Variants in MTDH observed in about 807,000 individuals in gnomAD.
MTDH encodes protein LYRIC.
In MTDH, 34 loss-of-function variants were observed where a neutral mutation model predicts 72.7. The ratio of observed to expected loss-of-function variants is 0.47; its 90% CI spans 0.36 to 0.62. The LOEUF is 0.62. Among genes scored for constraint, MTDH ranks in the 20% least tolerant of loss-of-function variants. MTDH has a pLI of 0.00. For synonymous variants in MTDH, 266 were observed against 268.9 expected (o/e 0.99, Z 0.10); for missense variants, 677 against 699.4 (o/e 0.97, Z 0.36).
rs1815426682 is a variant in MTDH at position 97,728,092 on chromosome 8, G to A, written c.*3422G>A. On this transcript the variant is annotated 3_prime_UTR_variant, in exon 12 of 12. Transcript: ENST00000336273. ...AAACAGTCCTCTATTAATATAGTGT[G>A]AAATATCTTTCAAAATTTAGAGTTT... 1.3e-5 allele frequency: 2 copies of A among 152,024 alleles called. No homozygotes were observed. Among genetic ancestry groups the A allele is most frequent in the Admixed American group, 6.6e-5 (1 of 15,246 alleles). 9.4% of individuals were successfully genotyped at this position (152,024 alleles called of 1,614,324 possible).
Position 97,697,151 on chromosome 8 carries a change from T to TA in MTDH, c.1049-2603_1049-2602insA, listed in dbSNP as rs1397728507. Among the ~76,000 whole-genome samples, 285 of 72,058 alleles carry TA rather than the reference T, an allele frequency of 4.0e-3. 16 individuals carry two copies. Among genetic ancestry groups the TA allele is most frequent in the African/African-American group, 0.011 (127 of 11,614 alleles). The allele number at this position is 72,058 out of a possible 152,430, so 47.3% of individuals were successfully genotyped here. A position where few individuals can be genotyped will look rare whatever the true frequency, so the allele number is the denominator to read the frequency against. ...AAAAATATATATATATATATATATA[T>TA]TTTTTTTTTGTGGACCCAGTTTACT... is the stretch of plus-strand genomic sequence containing the variant. On this transcript the variant is annotated intron_variant, in intron 6 of 11. Transcript: ENST00000336273.
At chr8:97,724,085 G>T (rs1249774012) in intron 11 of MTDH, among the ~76,000 whole-genome samples, 1 of 152,200 alleles carries the variant, frequency 6.6e-6, no homozygotes, top group African/African-American at 2.4e-5. Context: ...CTCCAGCCTG[G>T]GTGACAGAGC....
At chr8:97,710,534 CAA>C (rs34089678) in intron 8 of MTDH, among the ~76,000 whole-genome samples, 29 of 141,902 alleles carry the variant, frequency 2.0e-4, no homozygotes, top group Middle Eastern at 3.7e-3. Flanking sequence ...ACTAAAAATA[CAA>C]AAAAAAAAAA....
At chr8:97,651,497 T>C (rs183124157) in intron 1 of MTDH, among the ~76,000 whole-genome samples, 1 of 152,320 alleles carries the variant, frequency 6.6e-6, no homozygotes, top group Admixed American at 6.5e-5. Context: ...TTTACAGTGA[T>C]GAGAGCTGAA....
intron 1 of MTDH, among the ~76,000 whole-genome samples, chr8:97,649,855 C>A (rs1037228502): frequency 1.3e-5 from 2 of 152,210 alleles, no homozygotes; most frequent in East Asian, 3.8e-4. Context: ...CCACCTGCCT[C>A]AGCCTCCCAA....
At chr8:97,692,132 C>T (rs866261885) in intron 6 of MTDH, among the ~76,000 whole-genome samples, 3 of 152,196 alleles carry the variant, frequency 2.0e-5, no homozygotes, top group Admixed American at 1.3e-4. Context: ...CTGCCAGCCT[C>T]GGCCTCCCAA....
In MTDH at chr8:97,729,882, T is replaced by C. The variant is rs1247564824; in HGVS notation, c.*5212T>C. ...GCTGAGAGAAACTTAGTAGCCTGCC[T>C]GCGCATACTGCAAGTACAGACTATA... is the stretch of plus-strand genomic sequence containing the variant. On this transcript the variant is annotated 3_prime_UTR_variant, in exon 12 of 12. Transcript: ENST00000336273. Among the ~76,000 whole-genome samples, 1 of 152,204 alleles carries C rather than the reference T, an allele frequency of 6.6e-6. No individual in the cohort carries two copies. Among genetic ancestry groups the C allele is most frequent in the Admixed American group, 6.6e-5 (1 of 15,266 alleles).
chr8:97,675,453 C>G (rs1039914696), intron 2 of MTDH, among the ~76,000 whole-genome samples: 1 of 150,824 alleles, frequency 6.6e-6, no homozygotes. Flanking sequence ...CCCAGGTACT[C>G]GGGAGGCTGA....
In MTDH at chr8:97,682,084, T is replaced by C. The variant is rs562400261; in HGVS notation, c.484-4584T>C. Among the ~76,000 whole-genome samples the C allele has an allele frequency of 3.3e-5, 5 of 151,388 alleles. No individual in the cohort carries two copies. The South Asian group carries it at 1.0e-3, about 31-fold the overall frequency. ...ACCAGCTTCCTTCAAAAGTCTTAGC[T>C]AAAGTGGAGCTGCTAAGAAGTAAGA... is the stretch of plus-strand genomic sequence containing the variant. On this transcript the variant is annotated intron_variant, in intron 2 of 11. Transcript: ENST00000336273.
chr8:97,691,748 A>C (rs1403705896), intron 6 of MTDH, among the ~76,000 whole-genome samples: 3 of 152,216 alleles, frequency 2.0e-5, no homozygotes, highest in East Asian at 3.9e-4. Context: ...TCCACATTAC[A>C]TGTGGGCAAT....
chr8:97,663,748 CAAAAAAAAAAA>C (rs36101443), intron 2 of MTDH, among the ~76,000 whole-genome samples: 1 of 85,980 alleles, frequency 1.2e-5, no homozygotes, highest in Non-Finnish European at 2.5e-5. Context: ...GACTCTGTCT[CAAAAAAAAAAA>C]AAAAAAAAAG....
At chr8:97,706,507 T>C in intron 7 of MTDH, 119 bp from the exon 8 acceptor site, 1 of 935,218 alleles carries the variant, frequency 1.1e-6, no homozygotes, top group Non-Finnish European at 1.5e-6. Flanking sequence ...TAAAATGTGC[T>C]TGGGAGACAG....
At chr8:97,694,691 G>A (rs1439074028) in intron 6 of MTDH, among the ~76,000 whole-genome samples, 1 of 152,042 alleles carries the variant, frequency 6.6e-6, no homozygotes. Flanking sequence ...CAGGGCTGAG[G>A]CTGGCAGATC....
Position 97,645,745 on chromosome 8 carries a change from T to C in MTDH, c.381+858T>C, listed in dbSNP as rs528894724. Among the ~76,000 whole-genome samples the C allele has an allele frequency of 8.5e-5, 13 of 152,376 alleles. No individual in the cohort carries two copies. In the South Asian group the frequency reaches 2.5e-3, roughly 29 times the overall value. ...CTTCATGTTTTACGTTTACATTCTTTATTGCCATTCCCATGGTTCTCCCAT... is the reference window on the plus strand; with the variant it reads ...CTTCATGTTTTACGTTTACATTCTTCATTGCCATTCCCATGGTTCTCCCAT... On this transcript the variant is annotated intron_variant, in intron 1 of 11. Coordinates refer to ENST00000336273, the MANE Select transcript of MTDH (RefSeq NM_178812.4).
rs36070456 is a variant in MTDH, at chr8:97,729,087, ATTT to A, written c.*4433_*4435del. ...GGTACACACCACCATGCCTGGCTAA[ATTT>A]TTTTTTTTTTTTTTTGGTAGAGATG... On this transcript the variant is annotated 3_prime_UTR_variant, in exon 12 of 12. Coordinates refer to ENST00000336273, the MANE Select transcript of MTDH (RefSeq NM_178812.4). 4.1e-4 allele frequency among the ~76,000 whole-genome samples: 57 copies of A among 138,012 alleles called. No individual in the cohort carries two copies. Among genetic ancestry groups the A allele is most frequent in the Middle Eastern group, 7.4e-3 (2 of 272 alleles). 90.5% of individuals were successfully genotyped at this position (138,012 alleles called of 152,430 possible). A position where few individuals can be genotyped will look rare whatever the true frequency, so the allele number is the denominator to read the frequency against.
intron 2 of MTDH, among the ~76,000 whole-genome samples, chr8:97,668,054 G>A (rs950820334): frequency 4.6e-5 from 7 of 152,082 alleles, no homozygotes; most frequent in African/African-American, 9.7e-5. Context: ...TTGGGAGGCC[G>A]AGATCAGTGG....
intron 1 of MTDH, among the ~76,000 whole-genome samples, chr8:97,649,690 A>G (rs906113902): frequency 6.6e-6 from 1 of 151,918 alleles, no homozygotes; most frequent in African/African-American, 2.4e-5. Context: ...TGCAGCTTCC[A>G]CTTCCCAGAC....
Position 97,717,156 on chromosome 8 carries a change from A to G in MTDH, c.1381-1893A>G, listed in dbSNP as rs529097295. Among the ~76,000 whole-genome samples the G allele has an allele frequency of 1.1e-3, 164 of 152,318 alleles. 1 individual carries two copies. The highest frequency in any genetic ancestry group is 3.8e-3 in the African/African-American group (156 of 41,576). ...AAAGCTACCTGCTCAGCCTAAATAT[A>G]TAGAAAATTTTGACTATCTAAACCC... On this transcript the variant is annotated intron_variant, in intron 9 of 11. Coordinates refer to ENST00000336273, the MANE Select transcript of MTDH (RefSeq NM_178812.4).
chr8:97,672,855 AGG>A (rs1812683904), intron 2 of MTDH, among the ~76,000 whole-genome samples: 1 of 152,222 alleles, frequency 6.6e-6, no homozygotes, highest in East Asian at 1.9e-4. Context: ...TAAATGTCTT[AGG>A]ATTGTGAGTT....
Sources: allele counts gnomAD v4.1 joint callset (sites outside exome capture counted in the v4.1 genomes callset), GRCh38; gene constraint gnomAD v4.1.1; transcripts MANE v1.5; gene names NCBI Gene and HGNC (gene_info 2026-07-23, HGNC 2026-07-21).